Variants in LTF observed in about 807,000 individuals in gnomAD.
The protein encoded by LTF is epididymis luminal protein 110.
Under a neutral mutation model 87.2 loss-of-function variants are expected in LTF, and 91 were observed. The observed-to-expected ratio is 1.04, with a 90% CI of 0.88 to 1.24. The LOEUF (loss-of-function observed/expected upper bound fraction) is 1.24, where lower values mean the gene tolerates loss of function less well. Ranked by LOEUF, LTF falls within the 50% of genes most tolerant of loss-of-function variation. The pLI, the probability that LTF is intolerant of heterozygous loss-of-function variation, is 0.00. For missense variants in LTF, 901 were observed against 904.3 expected (o/e 1.00, Z 0.05); for synonymous variants, 378 against 356.1 (o/e 1.06, Z -0.69).
At chr3:46,484,474 G>A (rs996547599) in intron 1 of LTF, among the ~76,000 whole-genome samples, 7 of 152,100 alleles carry the variant, frequency 4.6e-5, no homozygotes, top group African/African-American at 9.7e-5. Flanking sequence ...TCCAGGCAGC[G>A]TCAGGCCTTA....
chr3:46,471,561 T>C (rs1703286623), intron 1 of LTF, among the ~76,000 whole-genome samples: 1 of 152,156 alleles, frequency 6.6e-6, no homozygotes, highest in Admixed American at 6.5e-5. Flanking sequence ...AGAGCCTCCC[T>C]CAGGGCTGTT....
chr3:46,444,382 C>T (rs551645646), intron 12 of LTF, among the ~76,000 whole-genome samples: 1 of 152,348 alleles, frequency 6.6e-6, no homozygotes, highest in Non-Finnish European at 1.5e-5. Flanking sequence ...GTTTTCTGTT[C>T]CTTGCAGCTG....
Position 46,456,304 on chromosome 3 carries a change from T to A in LTF, c.302A>T (p.Tyr101Phe), listed in dbSNP as rs767648735. Reference sequence around the variant, plus strand: ...GCAGAACTCACGTCTTTCGGTCCCGTAGACTTCCGCCGCTACAGGTCGCAG... The same window carrying A: ...GCAGAACTCACGTCTTTCGGTCCCGAAGACTTCCGCCGCTACAGGTCGCAG... ...YKLRPVAAEV[Y>F]GTERQPRTHY... The change falls in exon 3 of 17, where the codon TAC (tyrosine) becomes TTC (phenylalanine). Residue 101 changes from tyrosine to phenylalanine, a missense_variant. Tyr to Phe is a conservative substitution (Grantham distance 22). Transcript: ENST00000231751. 1.9e-6 allele frequency: 3 copies of A among 1,614,060 alleles called. No homozygotes were observed. Among genetic ancestry groups the A allele is most frequent in the Non-Finnish European group, 2.5e-6 (3 of 1,179,958 alleles).
chr3:46,484,237 G>A (rs1703488126), intron 1 of LTF, among the ~76,000 whole-genome samples: 1 of 152,210 alleles, frequency 6.6e-6, no homozygotes, highest in Admixed American at 6.5e-5. Context: ...ATAGGTGTTT[G>A]AGCTGGGGCC....
At chr3:46,456,673 C>T (rs1702944489) in intron 2 of LTF, among the ~76,000 whole-genome samples, 1 of 152,224 alleles carries the variant, frequency 6.6e-6, no homozygotes, top group Admixed American at 6.5e-5. Context: ...TCACAGTCAT[C>T]TATATTTGAA....
upstream of LTF, chr3:46,468,280 A>G (rs757536709): frequency 2.2e-6 from 1 of 456,658 alleles, no homozygotes; most frequent in Non-Finnish European, 4.4e-6. Flanking sequence ...TCTATGGGAC[A>G]TCTCCAACGT....
Position 46,439,276 on chromosome 3 carries a change from AG to A in LTF, c.1908+19del. On this transcript the variant is annotated intron_variant, in intron 15 of 16. Coordinates refer to ENST00000231751, the MANE Select transcript of LTF (RefSeq NM_002343.6). ...GAGCCCACACAGCTAAGAAAGCACT[AG>A]AAGCCCTGTGGTCCATACCTGTTGG... The A allele has an allele frequency of 6.3e-7, 1 of 1,587,836 alleles. No homozygotes were observed. Among genetic ancestry groups the A allele is most frequent in the Non-Finnish European group, 8.6e-7 (1 of 1,167,138 alleles).
intron 7 of LTF, 107 bp downstream of exon 7, chr3:46,450,388 G>A (rs910029368): frequency 2.5e-6 from 3 of 1,216,644 alleles, no homozygotes; most frequent in Admixed American, 2.1e-5. Flanking sequence ...GTGCTATCCT[G>A]CAGCAAAGCT....
Position 46,454,346 on chromosome 3 carries a change from C to A in LTF, c.662G>T (p.Gly221Val), listed in dbSNP as rs1702873757. The change falls in exon 6 of 17, where the codon GGG becomes GTG. Residue 221 changes from glycine (G) to valine (V), a missense_variant. By Grantham distance (109) the Gly-to-Val change is moderately radical. Coordinates refer to ENST00000231751, the MANE Select transcript of LTF (RefSeq NM_002343.6). ...YSGAFKCLRD[G>V]AGDVAFIRES... ...TCTGATAAAAGCCACGTCTCCAGCCCCGTCTCTCAGACACCTGTGAAAAGA... is the reference window on the plus strand; with the variant it reads ...TCTGATAAAAGCCACGTCTCCAGCCACGTCTCTCAGACACCTGTGAAAAGA... 1 of 1,614,174 alleles carries A rather than the reference C, an allele frequency of 6.2e-7. No individual in the cohort carries two copies. The highest frequency in any genetic ancestry group is 1.1e-5 in the South Asian group (1 of 91,084).
At chr3:46,446,757 C>T (rs929372816) in intron 10 of LTF, among the ~76,000 whole-genome samples, 11 of 152,156 alleles carry the variant, frequency 7.2e-5, no homozygotes, top group Admixed American at 6.5e-5. Context: ...CACACAGCGA[C>T]GAGACTGAAC....
rs115288943 is a variant in LTF at position 46,472,441 on chromosome 3, C to T, written c.-319-1975G>A. Among the ~76,000 whole-genome samples, 933 of 148,850 alleles carry T rather than the reference C, an allele frequency of 6.3e-3. 6 individuals are homozygous for T. The highest frequency in any genetic ancestry group is 7.8e-3 in the Non-Finnish European group (528 of 67,676). ...AAAACTTCATCCTAAGCAAAGTCTT[C>T]CTCCAGAGGGTATTAATCTCCAGAA... is the stretch of plus-strand genomic sequence containing the variant. On this transcript the variant is annotated intron_variant, in intron 1 of 19. Transcript: ENST00000443496.
chr3:46,441,899 CAGAGAGAGAGAGAGAGAG>C (rs71622508), intron 13 of LTF: 1 of 100,476 alleles, frequency 1.0e-5, no homozygotes, highest in South Asian at 3.5e-4. Flanking sequence ...TGATAGCACC[CAGAGAGAGAGAGAGAGAG>C]AGAGAGAGAG....
rs776495702 is a variant in LTF at position 46,443,512 on chromosome 3, G to T, written c.1584C>A (p.Gly528=). The T allele has an allele frequency of 2.5e-6, 4 of 1,614,062 alleles. No homozygotes were observed. The highest frequency in any genetic ancestry group is 4.5e-5 in the East Asian group (2 of 44,884). The change falls in exon 13 of 17, where the codon GGC becomes GGA. Residue 528 remains glycine (G), a synonymous_variant. Coordinates refer to ENST00000231751, the MANE Select transcript of LTF (RefSeq NM_002343.6). Reference sequence around the variant, plus strand: ...CGCACTTATTCTCACCCTGCTCGTCGCCAATACACAGAGCACAGAGATTAG... The same window carrying T: ...CGCACTTATTCTCACCCTGCTCGTCTCCAATACACAGAGCACAGAGATTAG... The part of the protein sequence containing the change: ...PRSNLCALCI[G]DEQGENKCVP...
chr3:46,464,683 C>G, intron 1 of LTF, 142 bp downstream of exon 1: 1 of 835,864 alleles, frequency 1.2e-6, no homozygotes, highest in Non-Finnish European at 1.9e-6. Flanking sequence ...GCGTCCGGGC[C>G]GCCTCCCGGC....
chr3:46,454,629 C>T (rs1702881194), intron 5 of LTF, among the ~76,000 whole-genome samples: 1 of 152,194 alleles, frequency 6.6e-6, no homozygotes, highest in African/African-American at 2.4e-5. Context: ...GTTTTGAAGC[C>T]TCTACCCAAG....
chr3:46,451,005 A>C (rs1295443023), intron 6 of LTF, among the ~76,000 whole-genome samples: 1 of 152,210 alleles, frequency 6.6e-6, no homozygotes, highest in South Asian at 2.1e-4. Flanking sequence ...CTTTGCAGAG[A>C]CAAGCTCAGG....
chr3:46,481,764 A>T (rs900172769), intron 1 of LTF, among the ~76,000 whole-genome samples: 3 of 152,216 alleles, frequency 2.0e-5, no homozygotes, highest in Admixed American at 2.0e-4. Flanking sequence ...AAAATAAAAC[A>T]AAACTAAAAA....
At chr3:46,475,755 G>A (rs991031433) in intron 1 of LTF, among the ~76,000 whole-genome samples, 27 of 152,148 alleles carry the variant, frequency 1.8e-4, no homozygotes, top group African/African-American at 6.3e-4. Flanking sequence ...GTACAATTGA[G>A]CAAATTATCC....
chr3:46,471,150 T>C (rs932362590), intron 1 of LTF, among the ~76,000 whole-genome samples: 2 of 152,128 alleles, frequency 1.3e-5, no homozygotes, highest in African/African-American at 4.8e-5. Context: ...GAGTCTGTTC[T>C]CCAACATGGC....
Sources: allele counts gnomAD v4.1 joint callset (sites outside exome capture counted in the v4.1 genomes callset), GRCh38; gene constraint gnomAD v4.1.1; transcripts MANE v1.5; gene names NCBI Gene and HGNC (gene_info 2026-07-23, HGNC 2026-07-21).